VPS41: variants seen among roughly 807,000 people sequenced by gnomAD.
VPS41 encodes vacuolar protein sorting-associated protein 41 homolog.
VPS41 carries 85 observed loss-of-function variants against 130.9 expected under a neutral mutation model. That is an observed-to-expected ratio of 0.65 (90% CI 0.55 to 0.78). The LOEUF (loss-of-function observed/expected upper bound fraction) is 0.78, where lower values mean the gene tolerates loss of function less well. Ranked by LOEUF, VPS41 falls within the 30% of genes least tolerant of loss-of-function variation. The probability of loss-of-function intolerance (pLI) is 0.00; values close to 1 mark genes in which losing one functional copy is unlikely to be tolerated. For missense variants in VPS41, 874 were observed against 1,018.7 expected, an observed-to-expected ratio of 0.86 and a Z score of 1.93; for synonymous variants, 335 against 332.9, an observed-to-expected ratio of 1.01 and a Z score of -0.07.
rs752029070 is a variant in VPS41 at position 38,771,207 on chromosome 7, A to AT, written c.1175dup (p.His392GlnfsTer2). 1.2e-5 allele frequency: 19 copies of AT among 1,597,154 alleles called. No homozygotes were observed. In the East Asian group the frequency reaches 3.8e-4, roughly 32 times the overall value. The stretch of plus-strand genomic sequence containing the variant: ...CAAATTGCACACTTACCAGAATCTT[A>AT]TGTCTTTTAATATTTTTTTGGCTAA... On this transcript the variant is annotated frameshift_variant, in exon 14 of 29. Coordinates refer to ENST00000310301, the MANE Select transcript of VPS41 (RefSeq NM_014396.4). LOFTEE classifies it high-confidence loss of function.
At chr7:38,741,644 G>A (rs1012412707) in intron 25 of VPS41, among the ~76,000 whole-genome samples, 4 of 152,168 alleles carry the variant, frequency 2.6e-5, no homozygotes, top group African/African-American at 4.8e-5. Context: ...GGGGTGGCCC[G>A]ATCTAATGGC....
chr7:38,785,308 T>A (rs1784419852), intron 10 of VPS41, among the ~76,000 whole-genome samples: 1 of 152,172 alleles, frequency 6.6e-6, no homozygotes, highest in South Asian at 2.1e-4. Context: ...ATGCTTTACA[T>A]CAGCAAATTA....
At chr7:38,831,248 A>C (rs1416698855) in intron 4 of VPS41, 3 of 471,138 alleles carry the variant, frequency 6.4e-6, no homozygotes, top group Admixed American at 4.7e-5. Flanking sequence ...ATCTGGTTGT[A>C]AGCTGCCTCA....
intron 3 of VPS41, among the ~76,000 whole-genome samples, chr7:38,867,505 A>AAT (rs1325121383): frequency 6.6e-6 from 1 of 151,854 alleles, no homozygotes; most frequent in Non-Finnish European, 1.5e-5. Context: ...AGATTGCGCC[A>AAT]TTGCACTCCA....
chr7:38,847,040 C>A (rs1290902305), intron 4 of VPS41, among the ~76,000 whole-genome samples: 1 of 151,982 alleles, frequency 6.6e-6, no homozygotes, highest in East Asian at 1.9e-4. Context: ...GCCCAGTAGA[C>A]CACACCAAAA....
intron 4 of VPS41, among the ~76,000 whole-genome samples, chr7:38,843,289 G>A (rs878941517): frequency 2.0e-4 from 31 of 152,204 alleles, no homozygotes; most frequent in Admixed American, 5.2e-4. Context: ...GTCCAGATGC[G>A]GCAATCATGT....
intron 4 of VPS41, among the ~76,000 whole-genome samples, chr7:38,850,699 T>G (rs1785835925): frequency 6.6e-6 from 1 of 152,168 alleles, no homozygotes; most frequent in South Asian, 2.1e-4. Flanking sequence ...CAATGTTATT[T>G]CTGCTTGTAA....
At chr7:38,892,807 C>T (rs1361758323) in intron 2 of VPS41, among the ~76,000 whole-genome samples, 1 of 152,118 alleles carries the variant, frequency 6.6e-6, no homozygotes, top group Non-Finnish European at 1.5e-5. Context: ...TTATACTGGA[C>T]TCATTTTACT....
intron 1 of VPS41, among the ~76,000 whole-genome samples, chr7:38,900,388 G>C (rs1787115080): frequency 6.6e-6 from 1 of 152,082 alleles, no homozygotes; most frequent in African/African-American, 2.4e-5. Flanking sequence ...GAGAATGGCA[G>C]ACCACGGAGA....
chr7:38,902,945 G>A (rs961683890), intron 1 of VPS41, among the ~76,000 whole-genome samples: 1 of 152,152 alleles, frequency 6.6e-6, no homozygotes, highest in African/African-American at 2.4e-5. Context: ...AAACCCAAAG[G>A]CTTTGCCTTC....
At chr7:38,812,331 G>A (rs1784960831) in intron 7 of VPS41, among the ~76,000 whole-genome samples, 1 of 152,038 alleles carries the variant, frequency 6.6e-6, no homozygotes, top group Admixed American at 6.5e-5. Flanking sequence ...TGGGCCAACT[G>A]GATATTCACA....
chr7:38,811,375 G>A (rs1468510144), intron 7 of VPS41, among the ~76,000 whole-genome samples: 4 of 151,918 alleles, frequency 2.6e-5, no homozygotes, highest in Non-Finnish European at 5.9e-5. Context: ...AGTTTATCAA[G>A]AAAATGGTAC....
At chr7:38,869,116 C>T (rs1786290693) in intron 3 of VPS41, 30 bp downstream of exon 3, 10 of 1,480,356 alleles carry the variant, frequency 6.8e-6, no homozygotes, top group Non-Finnish European at 9.1e-6. Flanking sequence ...AAACAATTTA[C>T]AGAAGAATCC....
chr7:38,902,444 A>C (rs1787165827), intron 1 of VPS41, among the ~76,000 whole-genome samples: 1 of 152,166 alleles, frequency 6.6e-6, no homozygotes, highest in Non-Finnish European at 1.5e-5. Flanking sequence ...TATGGCCTGC[A>C]GGTGTTTTGT....
At chr7:38,757,752 TC>T (rs1562574427) in intron 18 of VPS41, among the ~76,000 whole-genome samples, 1 of 152,082 alleles carries the variant, frequency 6.6e-6, no homozygotes, top group Non-Finnish European at 1.5e-5. Context: ...GGGATGGTCG[TC>T]TTGGCTAGAC....
In VPS41 at chr7:38,868,436, A is replaced by G. The variant is rs73359616; in HGVS notation, c.168+710T>C. On this transcript the variant is annotated intron_variant, in intron 3 of 28. Coordinates refer to ENST00000310301, the MANE Select transcript of VPS41 (RefSeq NM_014396.4). ...AGGCCAACTGCTAGTAACATAGGAT[A>G]AAGCCAGGAGATGGATCAGACAAGA... Among the ~76,000 whole-genome samples the G allele has an allele frequency of 5.3e-3, 807 of 152,326 alleles. 5 individuals carry two copies. The highest frequency in any genetic ancestry group is 0.011 in the African/African-American group (477 of 41,572).
intron 21 of VPS41, 134 bp from the exon 22 acceptor site, chr7:38,752,447 G>T: frequency 9.6e-7 from 1 of 1,040,386 alleles, no homozygotes; most frequent in Non-Finnish European, 1.4e-6. Flanking sequence ...AAAACCTCTA[G>T]GTGATGGAGA....
rs1244049089 is a variant in VPS41, at chr7:38,752,204, C to T, written c.1898G>A (p.Arg633Gln). ...TTCAAGTGGGCAATGGGTACTGTCT[C>T]GGAGAAAGGGAAGTAAGTTTGGTCG... ...YDRPNLLPFL[R>Q]DSTHCPLEKA... Residue 633 changes from arginine (R) to glutamine (Q), a missense_variant, in exon 22 of 29, where the codon CGA becomes CAA. Physicochemically the swap from Arg to Gln is conservative, Grantham distance 43. Coordinates refer to ENST00000310301, the MANE Select transcript of VPS41 (RefSeq NM_014396.4). 3.7e-6 allele frequency: 6 copies of T among 1,613,672 alleles called. No individual in the cohort carries two copies. Among genetic ancestry groups the T allele is most frequent in the East Asian group, 2.2e-5 (1 of 44,882 alleles).
intron 2 of VPS41, among the ~76,000 whole-genome samples, chr7:38,879,862 C>T (rs1477188934): frequency 6.8e-6 from 1 of 146,382 alleles, no homozygotes; most frequent in Non-Finnish European, 1.5e-5. Context: ...AATCAAGTAT[C>T]TTAATAAAGG....
Sources: allele counts gnomAD v4.1 joint callset (sites outside exome capture counted in the v4.1 genomes callset), GRCh38; gene constraint gnomAD v4.1.1; transcripts MANE v1.5; gene names NCBI Gene and HGNC (gene_info 2026-07-23, HGNC 2026-07-21).